The following PHYKPL variants were observed in gnomAD, a reference collection of about 807,000 sequenced individuals.
The protein encoded by PHYKPL is 5-phosphonooxy-L-lysine phospho-lyase.
Under a neutral mutation model 51.3 loss-of-function variants are expected in PHYKPL, and 42 were observed. The ratio of observed to expected loss-of-function variants is 0.82; its 90% confidence interval spans 0.64 to 1.06. PHYKPL has a LOEUF of 1.06. Among genes scored for constraint, PHYKPL ranks in the 50% least tolerant of loss-of-function variants. The probability of loss-of-function intolerance (pLI) is 0.00; values close to 1 mark genes in which losing one functional copy is unlikely to be tolerated. For missense variants in PHYKPL, 655 were observed against 586.6 expected (o/e 1.12, Z -1.20); for synonymous variants, 264 against 236.0 (o/e 1.12, Z -1.09).
Position 178,224,580 on chromosome 5 carries a change from G to C in PHYKPL, c.502-16C>G, listed in dbSNP as rs1330276478. The stretch of plus-strand genomic sequence containing the variant: ...GGAGAGGTGCCTGTGGGGAGTGACA[G>C]CGCCATGTTATCCGGGCTTGGGGAC... On this transcript the variant is annotated splice_polypyrimidine_tract_variant and intron_variant, in intron 5 of 12. Coordinates refer to ENST00000308158, the MANE Select transcript of PHYKPL (RefSeq NM_153373.4). 1 of 1,614,140 alleles carries C rather than the reference G, an allele frequency of 6.2e-7. No homozygotes were observed. The highest frequency in any genetic ancestry group is 1.1e-5 in the South Asian group (1 of 91,086).
At chr5:178,228,294 T>C in intron 3 of PHYKPL, 1 of 528,196 alleles carries the variant, frequency 1.9e-6, no homozygotes, top group Non-Finnish European at 3.4e-6. Flanking sequence ...CTAGAGAAGC[T>C]GATAGAAAAC....
chr5:178,212,112 G>T, intron 11 of PHYKPL, 142 bp from the exon 12 acceptor site: 2 of 807,368 alleles, frequency 2.5e-6, no homozygotes, highest in South Asian at 3.3e-5. Flanking sequence ...CCCCAAAGGG[G>T]TGGCAGCAGT....
chr5:178,232,581 C>G lies in PHYKPL; in HGVS notation c.-31G>C, dbSNP rs1161229808. ...GTGGCCGTCAGTCGGTGCCGTGACG[C>G]CACGCGGAGACGTCGCCGCGCGGGC... On this transcript the variant is annotated 5_prime_UTR_variant, in exon 1 of 13. Coordinates refer to ENST00000308158, the MANE Select transcript of PHYKPL (RefSeq NM_153373.4). 10 of 1,251,328 alleles carry G rather than the reference C, an allele frequency of 8.0e-6. No homozygotes were observed. Among genetic ancestry groups the G allele is most frequent in the African/African-American group, 1.6e-5 (1 of 64,298 alleles). The allele number at this position is 1,251,328 out of a possible 1,614,324, so 77.5% of individuals were successfully genotyped here. A position where few individuals can be genotyped will look rare whatever the true frequency, so the allele number is the denominator to read the frequency against.
intron 8 of PHYKPL, 99 bp downstream of exon 8, chr5:178,222,254 GCA>G: frequency 9.9e-7 from 1 of 1,015,184 alleles, no homozygotes; most frequent in Non-Finnish European, 1.4e-6. Context: ...CGTGTGCTGG[GCA>G]CAGTGCTAGC....
intron 3 of PHYKPL, among the ~76,000 whole-genome samples, chr5:178,229,194 C>A (rs1164955587): frequency 2.0e-5 from 3 of 151,332 alleles, no homozygotes; most frequent in Non-Finnish European, 4.4e-5. Context: ...GCAACCTCCG[C>A]CTCCCGGTTC....
Position 178,208,708 on chromosome 5 carries a change from C to G in PHYKPL, c.*239G>C, listed in dbSNP as rs897147656. On this transcript the variant is annotated 3_prime_UTR_variant, in exon 13 of 13. Coordinates refer to ENST00000308158, the MANE Select transcript of PHYKPL (RefSeq NM_153373.4). Reference sequence around the variant, plus strand: ...TATCCCACCCTACCCCATTCCACCCCCAGTGGACAGAAAGGAAATTGACTG... The same window carrying G: ...TATCCCACCCTACCCCATTCCACCCGCAGTGGACAGAAAGGAAATTGACTG... The G allele has an allele frequency of 6.6e-6, 1 of 152,418 alleles. No individual in the cohort carries two copies. Among genetic ancestry groups the G allele is most frequent in the African/African-American group, 2.4e-5 (1 of 41,436 alleles). The allele number at this position is 152,418 out of a possible 1,614,324, so 9.4% of individuals were successfully genotyped here.
downstream of PHYKPL, chr5:178,207,227 T>TAAGG (rs1356446752): frequency 6.2e-7 from 1 of 1,613,988 alleles, no homozygotes; most frequent in Non-Finnish European, 8.5e-7. Context: ...GGAAGCAAGG[T>TAAGG]AAGGTGTTCC....
intron 6 of PHYKPL, chr5:178,223,706 C>T: frequency 2.9e-6 from 1 of 348,616 alleles, no homozygotes; most frequent in Non-Finnish European, 5.7e-6. Context: ...TGTCGTACCT[C>T]CTGTGTCTGG....
At chr5:178,232,400 C>CGCGTGCGTAGTGCGTGCGT (rs1380950692) in intron 1 of PHYKPL, 92 bp downstream of exon 1, 55 of 1,334,500 alleles carry the variant, frequency 4.1e-5, no homozygotes, top group Admixed American at 2.0e-4. Context: ...TAGCCGGAGG[C>CGCGTGCGTAGTGCGTGCGT]GCGTGCGTAG....
chr5:178,218,096 A>C (rs374041218), intron 8 of PHYKPL, among the ~76,000 whole-genome samples: 61 of 113,382 alleles, frequency 5.4e-4, no homozygotes, highest in African/African-American at 2.3e-3. Context: ...GGGCGCCTGT[A>C]GTCCCAGCTA....
At chr5:178,215,972 TTTTTG>T (rs1322074466) in intron 8 of PHYKPL, 1 of 152,446 alleles carries the variant, frequency 6.6e-6, no homozygotes, top group East Asian at 1.9e-4. Context: ...CAAACCACGT[TTTTTG>T]TTTCGTTTTT....
In PHYKPL at chr5:178,231,536, G is replaced by A. The variant is rs1763406789; in HGVS notation, c.60-13C>T. 1 of 1,614,002 alleles carries A rather than the reference G, an allele frequency of 6.2e-7. No homozygotes were observed. The highest frequency in any genetic ancestry group is 8.5e-7 in the Non-Finnish European group (1 of 1,179,988). ...TCTGCAGGAAGAGCTGTGGGGACAG[G>A]CAAGGAGTGGACAGCCATGTCTGAA... is the stretch of plus-strand genomic sequence containing the variant. On this transcript the variant is annotated splice_polypyrimidine_tract_variant and intron_variant, in intron 1 of 12. Transcript: ENST00000308158.
intron 2 of PHYKPL, 146 bp from the exon 3 acceptor site, chr5:178,230,245 GGA>G: frequency 2.1e-6 from 2 of 963,308 alleles, no homozygotes; most frequent in South Asian, 3.4e-5. Context: ...GGCAGAGCAG[GGA>G]GAGAGAAGCT....
At chr5:178,207,232 T>TGTTC, downstream of PHYKPL, 1 of 1,613,732 alleles carries the variant, frequency 6.2e-7, no homozygotes, top group Non-Finnish European at 8.5e-7. Context: ...CAAGGTAAGG[T>TGTTC]GTTCCCAGCT....
At chr5:178,209,429 G>A in intron 12 of PHYKPL, 2 of 1,613,984 alleles carry the variant, frequency 1.2e-6, no homozygotes, top group Non-Finnish European at 1.7e-6. Flanking sequence ...AGGCAGCGGA[G>A]GTGGTGGTGG....
chr5:178,229,816 T>C, intron 3 of PHYKPL, 124 bp downstream of exon 3: 1 of 1,236,836 alleles, frequency 8.1e-7, no homozygotes, highest in Non-Finnish European at 1.1e-6. Flanking sequence ...CTCAGGAGCC[T>C]GGTGCAGTGG....
At chr5:178,210,795 T>C in intron 12 of PHYKPL, 1 of 620,972 alleles carries the variant, frequency 1.6e-6, no homozygotes, top group Non-Finnish European at 2.9e-6. Context: ...TCCAGAGCTC[T>C]AGGTGTTTAG....
rs1189060979 is a variant in PHYKPL at position 178,224,729 on chromosome 5, A to G, written c.414T>C (p.His138=). 1.6e-5 allele frequency: 25 copies of G among 1,612,372 alleles called. No individual in the cohort carries two copies. The East Asian group carries it at 5.6e-4, about 36-fold the overall frequency. Reference sequence around the variant, plus strand: ...GGGAGCTCAGGTGGCCGTGATACGCACTGGGGAGGAGAAGGGAGGGTAGGC... The same window carrying G: ...GGGAGCTCAGGTGGCCGTGATACGCGCTGGGGAGGAGAAGGGAGGGTAGGC... ...TGHQDVVVLD[H]AYHGHLSSLI... Residue 138 remains histidine, a splice_region_variant and synonymous_variant, in exon 5 of 13, where the codon CAT becomes CAC. Coordinates refer to ENST00000308158, the MANE Select transcript of PHYKPL (RefSeq NM_153373.4).
intron 11 of PHYKPL, among the ~76,000 whole-genome samples, chr5:178,212,513 T>TG (rs1401725155): frequency 1.3e-5 from 2 of 152,158 alleles, no homozygotes; most frequent in African/African-American, 4.8e-5. Context: ...ATGGGGAATG[T>TG]GGGGTAGAGT....
Sources: gnomAD v4.1 joint callset for allele counts (sites outside exome capture counted in the v4.1 genomes callset) on GRCh38, gnomAD v4.1.1 for gene constraint, MANE v1.5 for transcripts, NCBI Gene and HGNC (gene_info 2026-07-23, HGNC 2026-07-21) for gene names.